The following C12orf42 variants were observed in gnomAD, a reference collection of about 807,000 sequenced individuals.
The protein encoded by C12orf42 is chromosome 12 open reading frame 42.
In C12orf42, 25 loss-of-function variants were observed where a neutral mutation model predicts 21.6. The ratio of observed to expected loss-of-function variants is 1.16; its 90% CI spans 0.84 to 1.62. The LOEUF is 1.62. Ranked by LOEUF, C12orf42 falls within the 40% of genes most tolerant of loss-of-function variation. The pLI, the probability that C12orf42 is intolerant of heterozygous loss-of-function variation, is 0.00. For missense variants in C12orf42, 483 were observed against 459.3 expected, an observed-to-expected ratio of 1.05 and a Z score of -0.47; for synonymous variants, 174 against 175.0, an observed-to-expected ratio of 0.99 and a Z score of 0.05.
intron 2 of C12orf42, among the ~76,000 whole-genome samples, chr12:103,446,361 C>T (rs1046667897): frequency 1.3e-5 from 2 of 151,928 alleles, no homozygotes; most frequent in African/African-American, 4.8e-5. Context: ...CTAAAAGGAA[C>T]TCTAAATCTC....
chr12:103,359,104 A>G (rs2374054), intron 4 of C12orf42, among the ~76,000 whole-genome samples: 24,725 of 151,994 alleles, frequency 0.16, 2,217 homozygotes, highest in South Asian at 0.28. Flanking sequence ...CCAAATGTCA[A>G]TTCCTCAGAG....
chr12:103,404,499 G>T (rs1487072327), intron 2 of C12orf42, among the ~76,000 whole-genome samples: 1 of 152,172 alleles, frequency 6.6e-6, no homozygotes. Flanking sequence ...GTTGCTAAAT[G>T]AAAGCAAAAT....
chr12:103,068,875 C>A, the C12orf42 span, among the ~76,000 whole-genome samples: 1,090 of 128,780 alleles, frequency 8.5e-3, 43 homozygotes, highest in Admixed American at 0.053. Flanking sequence ...ACTCCTCTCT[C>A]TATATATATA....
the C12orf42 span, among the ~76,000 whole-genome samples, chr12:103,512,927 G>A: frequency 5.6e-3 from 857 of 152,040 alleles, 6 homozygotes; most frequent in Middle Eastern, 0.017. Flanking sequence ...ACTGGAACCC[G>A]GGAGGCAGAG....
chr12:103,296,150 G>T (rs563232736), intron 4 of C12orf42, among the ~76,000 whole-genome samples: 3 of 151,918 alleles, frequency 2.0e-5, no homozygotes, highest in African/African-American at 7.2e-5. Flanking sequence ...TGCTGAGAAT[G>T]ATGGTTTCCA....
intron 10 of C12orf42, among the ~76,000 whole-genome samples, chr12:103,239,067 T>C (rs2033600226): frequency 6.6e-6 from 1 of 152,212 alleles, no homozygotes; most frequent in East Asian, 1.9e-4. Context: ...CAAGGGTATA[T>C]GAGTAAGAAT....
chr12:103,135,287 T>C, the C12orf42 span, among the ~76,000 whole-genome samples: 2 of 151,916 alleles, frequency 1.3e-5, no homozygotes, highest in Non-Finnish European at 2.9e-5. Flanking sequence ...AAATCCTATC[T>C]CTACTAAAAA....
At chr12:103,315,383 G>A (rs904739148) in intron 4 of C12orf42, among the ~76,000 whole-genome samples, 4 of 152,076 alleles carry the variant, frequency 2.6e-5, no homozygotes, top group African/African-American at 7.2e-5. Flanking sequence ...TGAAAACTCA[G>A]AATCAAAAAG....
intron 3 of C12orf42, among the ~76,000 whole-genome samples, chr12:103,392,270 G>C (rs1054099272): frequency 6.6e-6 from 1 of 152,002 alleles, no homozygotes; most frequent in Non-Finnish European, 1.5e-5. Flanking sequence ...CATTTGAATT[G>C]GTTCTTTTTC....
the C12orf42 span, among the ~76,000 whole-genome samples, chr12:103,053,022 A>G: frequency 1.3e-5 from 2 of 152,026 alleles, no homozygotes; most frequent in Non-Finnish European, 2.9e-5. Flanking sequence ...TGCCGATGCC[A>G]CAATATCTTA....
At chr12:103,072,355 C>G in the C12orf42 span, among the ~76,000 whole-genome samples, 2 of 151,578 alleles carry the variant, frequency 1.3e-5, no homozygotes, top group Non-Finnish European at 2.9e-5. Context: ...TTTAAACAGA[C>G]AGAAGAACAG....
chr12:103,455,156 C>G (rs935016537), intron 2 of C12orf42, among the ~76,000 whole-genome samples: 5 of 152,108 alleles, frequency 3.3e-5, no homozygotes, highest in Non-Finnish European at 1.5e-5. Flanking sequence ...AACTTTAGAG[C>G]CTTCAGATTA....
At chr12:103,196,590 A>G in the C12orf42 span, among the ~76,000 whole-genome samples, 1 of 152,248 alleles carries the variant, frequency 6.6e-6, no homozygotes, top group South Asian at 2.1e-4. Context: ...TTGTTTTATG[A>G]ATCTAGGTGC....
chr12:103,261,937 A>G (rs1035358355), intron 10 of C12orf42, among the ~76,000 whole-genome samples: 3 of 152,208 alleles, frequency 2.0e-5, no homozygotes, highest in Non-Finnish European at 4.4e-5. Context: ...CTGAAGGGAA[A>G]ATAGCTGGTT....
At chr12:103,506,551 T>G in the C12orf42 span, among the ~76,000 whole-genome samples, 1 of 151,508 alleles carries the variant, frequency 6.6e-6, no homozygotes, top group Non-Finnish European at 1.5e-5. Flanking sequence ...CAATTGCCTA[T>G]AGTATTCAGT....
At chr12:103,433,794 C>T (rs149213076) in intron 2 of C12orf42, among the ~76,000 whole-genome samples, 1 of 152,112 alleles carries the variant, frequency 6.6e-6, no homozygotes, top group Non-Finnish European at 1.5e-5. Context: ...TTGAGACAAT[C>T]TTGGAAACAG....
chr12:103,306,800 G>A (rs1475769326), intron 4 of C12orf42, among the ~76,000 whole-genome samples: 1 of 152,164 alleles, frequency 6.6e-6, no homozygotes, highest in Non-Finnish European at 1.5e-5. Flanking sequence ...CTTTGAAGAT[G>A]TAACCAAATT....
the C12orf42 span, among the ~76,000 whole-genome samples, chr12:103,112,831 T>C: frequency 6.6e-6 from 1 of 152,084 alleles, no homozygotes; most frequent in Non-Finnish European, 1.5e-5. Flanking sequence ...GATTGATACT[T>C]CTCTTCTATT....
At chr12:103,206,203 G>A in the C12orf42 span, among the ~76,000 whole-genome samples, 1 of 152,190 alleles carries the variant, frequency 6.6e-6, no homozygotes, top group Non-Finnish European at 1.5e-5. Context: ...AACCTATGTG[G>A]TACTGACACA....
Sources: allele counts gnomAD v4.1 joint callset (sites outside exome capture counted in the v4.1 genomes callset), GRCh38; gene constraint gnomAD v4.1.1; transcripts MANE v1.5; gene names NCBI Gene and HGNC (gene_info 2026-07-23, HGNC 2026-07-21).